The following DNAH12 variants were observed in gnomAD, a reference collection of about 807,000 sequenced individuals.
DNAH12 encodes axonemal beta dynein heavy chain 12.
In DNAH12, 285 loss-of-function variants were observed where a neutral mutation model predicts 371.5. The ratio of observed to expected loss-of-function variants is 0.77; its 90% CI spans 0.70 to 0.85. The LOEUF (loss-of-function observed/expected upper bound fraction) is 0.85, where lower values mean the gene tolerates loss of function less well. DNAH12 is among the 40% of genes least tolerant of loss of function. The pLI, the probability that DNAH12 is intolerant of heterozygous loss-of-function variation, is 0.00. For missense variants in DNAH12, 3,611 were observed against 3,689.4 expected (o/e 0.98, Z 0.55); for synonymous variants, 1,200 against 1,213.0 (o/e 0.99, Z 0.22).
intron 53 of DNAH12, among the ~76,000 whole-genome samples, chr3:57,376,343 T>C (rs1287009179): frequency 1.3e-5 from 2 of 152,104 alleles, no homozygotes; most frequent in African/African-American, 4.8e-5. Context: ...CATACGAACA[T>C]TTGCAATTCA....
At chr3:57,424,338 G>T (rs1228347399) in intron 35 of DNAH12, among the ~76,000 whole-genome samples, 1 of 151,180 alleles carries the variant, frequency 6.6e-6, no homozygotes, top group Admixed American at 6.6e-5. Context: ...CAGTGTGGCA[G>T]TGCGCACCTG....
At chr3:57,298,009 C>G (rs1175391878) in intron 70 of DNAH12, among the ~76,000 whole-genome samples, 1 of 152,190 alleles carries the variant, frequency 6.6e-6, no homozygotes, top group Non-Finnish European at 1.5e-5. Context: ...TATTATATCT[C>G]TTTTACTTCC....
At chr3:57,543,315 GTTTTTT>G (rs5849214) in intron 1 of DNAH12, among the ~76,000 whole-genome samples, 2 of 70,286 alleles carry the variant, frequency 2.8e-5, no homozygotes, top group Non-Finnish European at 4.9e-5. Context: ...ATCATTAATG[GTTTTTT>G]TTTTTTTTTT....
At chr3:57,487,834 AC>A in intron 12 of DNAH12, among the ~76,000 whole-genome samples, 1 of 151,976 alleles carries the variant, frequency 6.6e-6, no homozygotes, top group Non-Finnish European at 1.5e-5. Flanking sequence ...AAAAATAAAT[AC>A]AAAAAAATTA....
chr3:57,390,899 A>G lies in DNAH12; in HGVS notation c.7305+973T>C, dbSNP rs990840892. ...GATGCTACTGTGATATCTCTGGTAT[A>G]AAACCAAATTCCTGGGAATACCTTG... On this transcript the variant is annotated intron_variant, in intron 45 of 73. Transcript: ENST00000495027. Among the ~76,000 whole-genome samples the G allele has an allele frequency of 7.9e-3, 1,207 of 152,282 alleles. 11 individuals carry two copies. Among genetic ancestry groups the G allele is most frequent in the African/African-American group, 0.027 (1,126 of 41,554 alleles).
rs545272918 is a variant in DNAH12, at chr3:57,514,889, T to C, written c.280-3910A>G. Among the ~76,000 whole-genome samples the C allele has an allele frequency of 2.0e-5, 3 of 152,308 alleles. No homozygotes were observed. In the East Asian group the frequency reaches 5.8e-4, roughly 29 times the overall value. On this transcript the variant is annotated intron_variant, in intron 4 of 73. Transcript: ENST00000495027. ...TATCCTTATGCTAAGTACAAAAGAC[T>C]ATAGGTGAATATTAAACTATGGTGA...
Position 57,542,884 on chromosome 3 carries a change from A to T in DNAH12, c.-14T>A. 6.4e-7 allele frequency: 1 copy of T among 1,570,468 alleles called. No individual in the cohort carries two copies. The highest frequency in any genetic ancestry group is 1.2e-5 in the South Asian group (1 of 82,348). ...TGCATCTGACATCTTGATCCCCTAA[A>T]GATTAAAATACTCTGTACTCTGAGG... On this transcript the variant is annotated 5_prime_UTR_variant, in exon 2 of 74. Coordinates refer to ENST00000495027, the MANE Select transcript of DNAH12 (RefSeq NM_001366028.2).
At chr3:57,473,017 T>A (rs1322580049) in intron 13 of DNAH12, among the ~76,000 whole-genome samples, 1 of 137,806 alleles carries the variant, frequency 7.3e-6, no homozygotes, top group Non-Finnish European at 1.6e-5. Flanking sequence ...TTTTAAAGGA[T>A]TTTAAATTAT....
At chr3:57,509,070 G>A in intron 6 of DNAH12, 70 bp downstream of exon 6, 4 of 1,313,384 alleles carry the variant, frequency 3.0e-6, no homozygotes, top group Non-Finnish European at 4.3e-6. Flanking sequence ...ATACTTGAAG[G>A]TAAGATCAGT....
chr3:57,347,482 A>T (rs2062569108), intron 60 of DNAH12, among the ~76,000 whole-genome samples: 1 of 152,134 alleles, frequency 6.6e-6, no homozygotes, highest in Admixed American at 6.6e-5. Context: ...TTGTGAGGCC[A>T]AGGCAGGCAG....
intron 19 of DNAH12, among the ~76,000 whole-genome samples, chr3:57,460,209 C>T (rs961929345): frequency 1.3e-5 from 2 of 151,784 alleles, no homozygotes; most frequent in African/African-American, 4.8e-5. Flanking sequence ...TGGGTAGAGG[C>T]CAGAGATGCA....
In DNAH12 at chr3:57,302,557, A is replaced by AGG. The variant is rs1559535385; in HGVS notation, c.11190-619_11190-618insCC. Among the ~76,000 whole-genome samples the AGG allele has an allele frequency of 2.2e-4, 13 of 58,518 alleles. 1 individual carries two copies. Among genetic ancestry groups the AGG allele is most frequent in the African/African-American group, 5.5e-4 (11 of 19,934 alleles). 38.4% of individuals were successfully genotyped at this position (58,518 alleles called of 152,430 possible). A position where few individuals can be genotyped will look rare whatever the true frequency, so the allele number is the denominator to read the frequency against. ...TATATATATATATATATATATATAT[A>AGG]TATATATGTATTTTTTTTTTTTTTT... On this transcript the variant is annotated intron_variant, in intron 69 of 73. Transcript: ENST00000495027.
chr3:57,398,088 A>T (rs1429203243), intron 43 of DNAH12, among the ~76,000 whole-genome samples: 2 of 152,202 alleles, frequency 1.3e-5, no homozygotes, highest in African/African-American at 4.8e-5. Flanking sequence ...ATTAACAAAG[A>T]TATAGAAACT....
chr3:57,462,839 C>T lies in DNAH12; in HGVS notation c.2386G>A (p.Gly796Arg). ...TGTTTCCAGTGACGAGCTCTCATTC[C>T]TGGATTGCACAGAATGGAGACAGTA... ...IPTVSILCNP[G>R]MRARHWKQIS... is the part of the protein sequence containing the mutation. Residue 796 changes from glycine to arginine, a missense_variant, in exon 18 of 74, where the codon GGA (glycine) becomes AGA (arginine). Coordinates refer to ENST00000495027, the MANE Select transcript of DNAH12 (RefSeq NM_001366028.2). The T allele has an allele frequency of 6.4e-7, 1 of 1,551,376 alleles. No homozygotes were observed. The highest frequency in any genetic ancestry group is 8.7e-7 in the Non-Finnish European group (1 of 1,146,912).
At chr3:57,541,181 A>G (rs1214301430) in intron 2 of DNAH12, among the ~76,000 whole-genome samples, 1 of 151,848 alleles carries the variant, frequency 6.6e-6, no homozygotes, top group East Asian at 2.0e-4. Flanking sequence ...CTGGGATTAC[A>G]GGCACCTGCC....
Position 57,309,718 on chromosome 3 carries a change from G to C in DNAH12, c.11033C>G (p.Ser3678Ter). ...TQGGSKQTGA[S>*]GSTDQILLEI... ...TAACAGAATCTGATCAGTACTTCCT[G>C]AGGCTCCTGTCTGTTTGGAGCCTCC... The change falls in exon 68 of 74, where the codon TCA becomes TGA. Residue 3678 changes from serine to a stop codon, truncating the protein, a stop_gained. Transcript: ENST00000495027. LOFTEE classifies it high-confidence loss of function. The C allele has an allele frequency of 6.5e-7, 1 of 1,549,828 alleles. No homozygotes were observed.
chr3:57,468,595 AG>A, intron 17 of DNAH12, 140 bp downstream of exon 17: 2 of 484,068 alleles, frequency 4.1e-6, no homozygotes, highest in Non-Finnish European at 6.2e-6. Context: ...AAATAGAGCA[AG>A]ACCCTGTCTC....
chr3:57,398,700 C>T (rs2063795017), intron 43 of DNAH12, among the ~76,000 whole-genome samples: 1 of 152,152 alleles, frequency 6.6e-6, no homozygotes, highest in Non-Finnish European at 1.5e-5. Context: ...GTATCTGGTA[C>T]AGCTGCCTTA....
At chr3:57,511,431 GAATA>G (rs1328426450) in intron 4 of DNAH12, among the ~76,000 whole-genome samples, 5 of 152,070 alleles carry the variant, frequency 3.3e-5, no homozygotes, top group African/African-American at 4.8e-5. Flanking sequence ...CCATAAGAAT[GAATA>G]GTCTCACTAA....
Sources: gnomAD v4.1 joint callset for allele counts (sites outside exome capture counted in the v4.1 genomes callset) on GRCh38, gnomAD v4.1.1 for gene constraint, MANE v1.5 for transcripts, NCBI Gene and HGNC (gene_info 2026-07-23, HGNC 2026-07-21) for gene names.